The following TMEM131 variants were observed in gnomAD, a reference collection of about 807,000 sequenced individuals.
TMEM131 encodes the protein transmembrane protein 131, also known as 2610524E03Rik.
In TMEM131, 66 loss-of-function variants were observed where a neutral mutation model predicts 211.6. That is an observed-to-expected ratio of 0.31 (90% CI 0.26 to 0.38). The LOEUF is 0.38. Among genes scored for constraint, TMEM131 ranks in the 10% least tolerant of loss-of-function variants. The pLI is 1.00. For missense variants in TMEM131, 2,036 were observed against 2,299.3 expected (o/e 0.89, Z 2.34); for synonymous variants, 844 against 841.3 (o/e 1.00, Z -0.06).
chr2:97,770,950 C>A (rs919886394), intron 33 of TMEM131, among the ~76,000 whole-genome samples: 1 of 152,184 alleles, frequency 6.6e-6, no homozygotes, highest in East Asian at 1.9e-4. Flanking sequence ...CTGAAAAAGG[C>A]CAAGAAGAAG....
At chr2:97,761,994 A>C in intron 36 of TMEM131, 41 bp downstream of exon 36, 1 of 1,520,386 alleles carries the variant, frequency 6.6e-7, no homozygotes, top group Non-Finnish European at 8.8e-7. Context: ...GGTTTTAGGC[A>C]CATTTCAAGC....
At chr2:97,905,534 G>C (rs1348911900) in intron 3 of TMEM131, among the ~76,000 whole-genome samples, 1 of 152,104 alleles carries the variant, frequency 6.6e-6, no homozygotes, top group African/African-American at 2.4e-5. Flanking sequence ...CTGTACCAGA[G>C]GTCACCAAGG....
intron 4 of TMEM131, among the ~76,000 whole-genome samples, chr2:97,873,385 C>T (rs977888405): frequency 2.6e-5 from 4 of 152,214 alleles, no homozygotes; most frequent in Admixed American, 1.3e-4. Flanking sequence ...CCCAGCACAG[C>T]GTTCGAGCTC....
At chr2:97,814,468 A>G in intron 13 of TMEM131, 80 bp from the exon 14 acceptor site, 1 of 1,312,100 alleles carries the variant, frequency 7.6e-7, no homozygotes, top group Admixed American at 2.8e-5. Flanking sequence ...CTTCTGTTGT[A>G]AGTAATAATT....
rs979205249 is a variant in TMEM131 at position 97,995,945 on chromosome 2, G to C, written c.-283C>G. On this transcript the variant is annotated 5_prime_UTR_variant, in exon 1 of 41. Transcript: ENST00000186436. Reference sequence around the variant, plus strand: ...CATACTGGAAACGGGCACGGCCCGCGAGCCCTGAGCGCTGGCCTGCGAGGG... The same window carrying C: ...CATACTGGAAACGGGCACGGCCCGCCAGCCCTGAGCGCTGGCCTGCGAGGG... The C allele has an allele frequency of 3.3e-5, 6 of 184,066 alleles. No individual in the cohort carries two copies. Among genetic ancestry groups the C allele is most frequent in the Non-Finnish European group, 6.7e-5 (6 of 89,294 alleles). The allele number at this position is 184,066 out of a possible 1,614,324, so 11.4% of individuals were successfully genotyped here.
At chr2:97,897,883 T>C (rs938446445) in intron 3 of TMEM131, among the ~76,000 whole-genome samples, 11 of 152,176 alleles carry the variant, frequency 7.2e-5, no homozygotes, top group Non-Finnish European at 1.5e-4. Flanking sequence ...GTAAATTCTA[T>C]GTCTTTAACA....
At chr2:97,963,968 T>C (rs1348387979) in intron 1 of TMEM131, among the ~76,000 whole-genome samples, 1 of 152,232 alleles carries the variant, frequency 6.6e-6, no homozygotes, top group African/African-American at 2.4e-5. Flanking sequence ...ATATAAATGT[T>C]TTCCAGAATC....
In TMEM131 at chr2:97,818,467, G is replaced by GGGGGGGA. The variant is rs1353522276; in HGVS notation, c.1183+145_1183+146insTCCCCCC. The GGGGGGGA allele has an allele frequency of 4.9e-5, 13 of 264,266 alleles. 4 individuals are homozygous for GGGGGGGA. The highest frequency in any genetic ancestry group is 7.3e-5 in the Non-Finnish European group (10 of 137,290). 16.4% of individuals were successfully genotyped at this position (264,266 alleles called of 1,614,324 possible). Reference sequence around the variant, plus strand: ...AGAGTTCATGATGGTTTACAGCGGGGGGGGGCGGGGGGGGATCAACCTAAG... The same window carrying GGGGGGGA: ...AGAGTTCATGATGGTTTACAGCGGGGGGGGGGAGGGGGCGGGGGGGGATCAACCTAAG... On this transcript the variant is annotated intron_variant, in intron 12 of 40. Transcript: ENST00000186436.
chr2:97,844,613 C>G lies in TMEM131; in HGVS notation c.484-352G>C, dbSNP rs541767209. ...GTTTTCATATAGATATACTGCTGTA[C>G]TACTAAGCAGTGACTTGTTTTAGTC... On this transcript the variant is annotated intron_variant, in intron 5 of 40. Coordinates refer to ENST00000186436, the MANE Select transcript of TMEM131 (RefSeq NM_015348.2). 3.3e-5 allele frequency among the ~76,000 whole-genome samples: 5 copies of G among 152,212 alleles called. No homozygotes were observed. In the South Asian group the frequency reaches 1.0e-3, roughly 32 times the overall value.
chr2:97,834,501 A>G, intron 10 of TMEM131, 120 bp downstream of exon 10: 1 of 818,424 alleles, frequency 1.2e-6, no homozygotes, highest in Non-Finnish European at 1.9e-6. Context: ...GTACAAGATC[A>G]TGCAACCAAC....
intron 4 of TMEM131, 194 bp downstream of exon 4, chr2:97,887,857 TA>T: frequency 2.2e-6 from 1 of 462,078 alleles, no homozygotes. Context: ...CTTTAAAAGT[TA>T]ATATTACATG....
intron 3 of TMEM131, among the ~76,000 whole-genome samples, chr2:97,893,052 C>T (rs775610549): frequency 1.4e-4 from 21 of 152,276 alleles, no homozygotes; most frequent in Non-Finnish European, 2.9e-4. Context: ...CCCCTAGCCG[C>T]CCAACCCCCG....
At position 97,941,359 on chromosome 2, in the gene TMEM131, A is replaced by C. The variant is rs1200003480; in HGVS notation, c.188-13872T>G. Among the ~76,000 whole-genome samples, 18 of 152,134 alleles carry C rather than the reference A, an allele frequency of 1.2e-4. No homozygotes were observed. The South Asian group carries it at 3.7e-3, about 31-fold the overall frequency. ...TAAAGACTTACATGTTAGACCTAAA[A>C]CCATAAAAACCCTAGAAGAAAACCT... On this transcript the variant is annotated intron_variant, in intron 1 of 40. Coordinates refer to ENST00000186436, the MANE Select transcript of TMEM131 (RefSeq NM_015348.2).
chr2:97,832,078 T>C (rs961665182), intron 11 of TMEM131, among the ~76,000 whole-genome samples: 2 of 142,122 alleles, frequency 1.4e-5, no homozygotes, highest in Non-Finnish European at 3.0e-5. Flanking sequence ...CTGCACCATA[T>C]AGGTATTAAG....
chr2:97,792,453 G>C lies in TMEM131; in HGVS notation c.4077C>G (p.Asp1359Glu), dbSNP rs763979525. ...SLIEAMDKDF[D>E]HHDSPALEVF... is the part of the protein sequence containing the mutation. ...CTTCTAGGGCTGGGGAGTCATGGTG[G>C]TCGAAGTCTTTGTCCATGGCTTCTA... Residue 1359 changes from aspartate (D) to glutamate (E), a missense_variant, in exon 31 of 41, where the codon GAC becomes GAG. Asp to Glu is a conservative substitution (Grantham distance 45, BLOSUM62 2). Around this residue, in one of 3 missense-constraint regions of TMEM131, gnomAD observed 1,623 missense variants for 1,805.9 expected, o/e 0.90. Transcript: ENST00000186436. 1.6e-5 allele frequency: 26 copies of C among 1,613,352 alleles called. No homozygotes were observed. Among genetic ancestry groups the C allele is most frequent in the Non-Finnish European group, 2.1e-5 (25 of 1,179,676 alleles).
chr2:97,853,116 A>G (rs1673692924), intron 5 of TMEM131, among the ~76,000 whole-genome samples: 1 of 152,236 alleles, frequency 6.6e-6, no homozygotes, highest in African/African-American at 2.4e-5. Flanking sequence ...CGTTGTTTTC[A>G]TGACTGCTAA....
intron 5 of TMEM131, among the ~76,000 whole-genome samples, chr2:97,856,657 C>G (rs1329003722): frequency 6.6e-6 from 1 of 152,166 alleles, no homozygotes; most frequent in Non-Finnish European, 1.5e-5. Flanking sequence ...AAAGATTTTG[C>G]TCTCCTCGAC....
At chr2:97,793,949 G>C in intron 29 of TMEM131, among the ~76,000 whole-genome samples, 1 of 125,678 alleles carries the variant, frequency 8.0e-6, no homozygotes, top group Admixed American at 9.2e-5. Flanking sequence ...AGCCGAGATC[G>C]TGCCACTGCA....
Position 97,777,912 on chromosome 2 carries a change from A to G in TMEM131, c.4145-1894T>C, listed in dbSNP as rs547735960. Among the ~76,000 whole-genome samples the G allele has an allele frequency of 2.6e-5, 4 of 152,304 alleles. No homozygotes were observed. The South Asian group carries it at 8.3e-4, about 32-fold the overall frequency. On this transcript the variant is annotated intron_variant, in intron 31 of 40. Coordinates refer to ENST00000186436, the MANE Select transcript of TMEM131 (RefSeq NM_015348.2). ...CATCGAAGAGCCAGAGCTTCTCCCC[A>G]TCATGGTAGACAGGAAGGGGAGTGT...
Sources: allele counts gnomAD v4.1 joint callset (sites outside exome capture counted in the v4.1 genomes callset), GRCh38; gene constraint gnomAD v4.1.1; regional missense constraint gnomAD v4.1.1; transcripts MANE v1.5; gene names NCBI Gene and HGNC (gene_info 2026-07-23, HGNC 2026-07-21).